Variants in UACA observed in about 807,000 individuals in gnomAD.
The protein encoded by UACA is nuclear membrane binding protein.
UACA carries 112 observed loss-of-function variants against 160.5 expected under a neutral mutation model. The observed-to-expected ratio is 0.70, with a 90% CI of 0.60 to 0.82. UACA has a LOEUF of 0.82. Among genes scored for constraint, UACA ranks in the 40% least tolerant of loss-of-function variants. The pLI, the probability that UACA is intolerant of heterozygous loss-of-function variation, is 0.00. For missense variants in UACA, 1,574 were observed against 1,614.6 expected (o/e 0.97, Z 0.43); for synonymous variants, 557 against 568.4 (o/e 0.98, Z 0.29).
intron 1 of UACA, among the ~76,000 whole-genome samples, chr15:70,738,370 C>T (rs1470359362): frequency 6.6e-6 from 1 of 151,900 alleles, no homozygotes; most frequent in South Asian, 2.1e-4. Context: ...TGTTTTAAAA[C>T]CCTCCAGTAG....
intron 1 of UACA, chr15:70,748,872 C>T (rs1437456192): frequency 6.6e-6 from 1 of 152,474 alleles, no homozygotes; most frequent in Non-Finnish European, 1.5e-5. Flanking sequence ...CAAGATAATG[C>T]ATTAATATTA....
At chr15:70,662,728 C>A (rs1166626125) in intron 17 of UACA, among the ~76,000 whole-genome samples, 1 of 152,202 alleles carries the variant, frequency 6.6e-6, no homozygotes, top group Non-Finnish European at 1.5e-5. Context: ...ACTATCTGAT[C>A]TTTGACAAAC....
chr15:70,746,440 C>T (rs1024003211), intron 1 of UACA, among the ~76,000 whole-genome samples: 1 of 151,936 alleles, frequency 6.6e-6, no homozygotes, highest in Non-Finnish European at 1.5e-5. Flanking sequence ...AATGAGATAC[C>T]ATCTCATGAC....
chr15:70,700,620 C>G (rs1898323211), intron 1 of UACA, among the ~76,000 whole-genome samples: 1 of 151,786 alleles, frequency 6.6e-6, no homozygotes, highest in Non-Finnish European at 1.5e-5. Flanking sequence ...TTAATCGTAT[C>G]AAGGTTACCT....
At chr15:70,772,640 G>A in the UACA span, among the ~76,000 whole-genome samples, 3 of 152,114 alleles carry the variant, frequency 2.0e-5, no homozygotes, top group Non-Finnish European at 2.9e-5. Flanking sequence ...ATCCAAGTGA[G>A]GATATATTAA....
chr15:70,660,824 A>G (rs1334945952), intron 17 of UACA: 2 of 152,230 alleles, frequency 1.3e-5, no homozygotes, highest in East Asian at 3.8e-4. Context: ...GAGAGACCAC[A>G]TTCACATAAC....
chr15:70,724,936 A>T lies in UACA; in HGVS notation c.79-25276T>A, dbSNP rs78334509. 1.6e-4 allele frequency among the ~76,000 whole-genome samples: 25 copies of T among 151,814 alleles called. 1 individual carries two copies. The highest frequency in any genetic ancestry group is 1.4e-3 in the Admixed American group (22 of 15,236). On this transcript the variant is annotated intron_variant, in intron 1 of 18. Coordinates refer to ENST00000322954, the MANE Select transcript of UACA (RefSeq NM_018003.4). Reference sequence around the variant, plus strand: ...TGTCTCTACAAAAAAAAAAAAAAAAATTTAACTAGCCAGGTATGGTGGCAA... The same window carrying T: ...TGTCTCTACAAAAAAAAAAAAAAAATTTTAACTAGCCAGGTATGGTGGCAA...
intron 1 of UACA, among the ~76,000 whole-genome samples, chr15:70,700,499 C>T (rs1898316943): frequency 1.3e-5 from 2 of 151,382 alleles, no homozygotes; most frequent in African/African-American, 2.4e-5. Context: ...TTTTACATTC[C>T]ACATGTATTG....
intron 1 of UACA, among the ~76,000 whole-genome samples, chr15:70,722,007 T>C (rs1899007861): frequency 6.6e-6 from 1 of 152,222 alleles, no homozygotes; most frequent in African/African-American, 2.4e-5. Context: ...TCTGTATCTC[T>C]ATTCAGTAAG....
the UACA span, among the ~76,000 whole-genome samples, chr15:70,772,936 A>G: frequency 2.0e-5 from 3 of 152,130 alleles, no homozygotes; most frequent in African/African-American, 4.8e-5. Flanking sequence ...TAAAAATACA[A>G]AAATTAGCTG....
chr15:70,763,135 C>T (rs2030874841), intron 1 of UACA, among the ~76,000 whole-genome samples, 195 bp downstream of exon 1: 1 of 152,194 alleles, frequency 6.6e-6, no homozygotes, highest in Non-Finnish European at 1.5e-5. Flanking sequence ...CGTAGAGGCT[C>T]GGGTGCGGCG....
At chr15:70,771,312 C>CA in the UACA span, among the ~76,000 whole-genome samples, 1 of 152,168 alleles carries the variant, frequency 6.6e-6, no homozygotes, top group Middle Eastern at 3.4e-3. Flanking sequence ...CAAGGCAAAA[C>CA]AAAAAATAGA....
chr15:70,749,219 T>C (rs989694383), intron 1 of UACA: 1 of 448,300 alleles, frequency 2.2e-6, no homozygotes, highest in African/African-American at 2.0e-5. Flanking sequence ...TTCAATTTTT[T>C]CATAACAAAA....
rs1198010957 is a variant in UACA, at chr15:70,701,827, G to A, written c.79-2167C>T. On this transcript the variant is annotated intron_variant, in intron 1 of 18. Coordinates refer to ENST00000322954, the MANE Select transcript of UACA (RefSeq NM_018003.4). ...GTGCATTTTAAAAGAACACAGTTCA[G>A]AAAGTCTAACCAAGAATCTTTTGTT... 2.0e-6 allele frequency: 3 copies of A among 1,534,982 alleles called. No individual in the cohort carries two copies. The African/African-American group carries it at 4.2e-5, about 21-fold the overall frequency.
intron 5 of UACA, among the ~76,000 whole-genome samples, chr15:70,688,482 TC>T (rs1897809701): frequency 6.6e-6 from 1 of 152,120 alleles, no homozygotes; most frequent in South Asian, 2.1e-4. Flanking sequence ...AAGTGAGCAT[TC>T]TTTTTTTTAT....
At chr15:70,735,594 C>A (rs1051813563) in intron 1 of UACA, among the ~76,000 whole-genome samples, 1 of 152,134 alleles carries the variant, frequency 6.6e-6, no homozygotes, top group African/African-American at 2.4e-5. Context: ...GACATCTTGG[C>A]ATGTCACATA....
the UACA span, among the ~76,000 whole-genome samples, chr15:70,777,685 T>C: frequency 4.6e-5 from 7 of 152,086 alleles, no homozygotes; most frequent in Non-Finnish European, 1.0e-4. Flanking sequence ...ATGGAAGCCA[T>C]TGGTAACCTG....
chr15:70,693,847 A>G (rs1314842549), intron 3 of UACA, among the ~76,000 whole-genome samples: 5 of 152,180 alleles, frequency 3.3e-5, no homozygotes, highest in Non-Finnish European at 7.4e-5. Flanking sequence ...TCTAAAAATA[A>G]ATATTCTTCT....
chr15:70,720,797 A>G (rs1418005978), intron 1 of UACA, among the ~76,000 whole-genome samples: 2 of 152,194 alleles, frequency 1.3e-5, no homozygotes, highest in African/African-American at 4.8e-5. Flanking sequence ...TTTGAAGAAT[A>G]TGCGCCCCTG....
Sources: allele counts gnomAD v4.1 joint callset (sites outside exome capture counted in the v4.1 genomes callset), GRCh38; gene constraint gnomAD v4.1.1; transcripts MANE v1.5; gene names NCBI Gene and HGNC (gene_info 2026-07-23, HGNC 2026-07-21).